BCAS3: variants seen among roughly 807,000 people sequenced by gnomAD.
BCAS3 encodes the protein BCAS3 microtubule associated cell migration factor.
Under a neutral mutation model 116.1 loss-of-function variants are expected in BCAS3, and 53 were observed. The ratio of observed to expected loss-of-function variants is 0.46; its 90% CI spans 0.37 to 0.57. The LOEUF is 0.57. Ranked by LOEUF, BCAS3 falls within the 20% of genes least tolerant of loss-of-function variation. The pLI, the probability that BCAS3 is intolerant of heterozygous loss-of-function variation, is 0.00. For synonymous variants in BCAS3, 391 were observed against 408.2 expected, an observed-to-expected ratio of 0.96 and a Z score of 0.51; for missense variants, 917 against 1,165.4, an observed-to-expected ratio of 0.79 and a Z score of 3.10.
chr17:61,145,260 T>C lies in BCAS3; in HGVS notation c.2425+60696T>C, dbSNP rs1482987055. On this transcript the variant is annotated intron_variant, in intron 22 of 23. Coordinates refer to ENST00000407086, the MANE Select transcript of BCAS3 (RefSeq NM_017679.5). The surrounding 1 kb of genome is among the most constrained non-coding windows in gnomAD (Gnocchi z 5.0). ...TTGTTTCTGCCGTCTTCACCTTTGC[T>C]GATGGTTCTGCAACTCATCACCAGC... Among the ~76,000 whole-genome samples the C allele has an allele frequency of 5.9e-5, 9 of 152,346 alleles. No homozygotes were observed. The highest frequency in any genetic ancestry group is 5.8e-4 in the East Asian group (3 of 5,192).
At chr17:61,074,861 C>A in intron 19 of BCAS3, 59 bp from the exon 20 acceptor site, 1 of 1,172,640 alleles carries the variant, frequency 8.5e-7, no homozygotes, top group Non-Finnish European at 1.2e-6. Context: ...GTTGTGCCCA[C>A]GTCTGTTTTT....
chr17:61,179,778 C>T (rs1337100313), intron 22 of BCAS3, among the ~76,000 whole-genome samples: 2 of 151,968 alleles, frequency 1.3e-5, no homozygotes, highest in Admixed American at 1.3e-4. Context: ...TGGTCATTAA[C>T]ACAAGGATAA....
At chr17:60,871,018 A>G (rs2055052826) in intron 8 of BCAS3, among the ~76,000 whole-genome samples, 1 of 152,218 alleles carries the variant, frequency 6.6e-6, no homozygotes, top group Admixed American at 6.6e-5. Flanking sequence ...TAATTTATCA[A>G]TAGTTTTGAC....
intron 12 of BCAS3, among the ~76,000 whole-genome samples, chr17:60,919,154 G>C (rs535832923): frequency 6.6e-6 from 1 of 152,016 alleles, no homozygotes; most frequent in Non-Finnish European, 1.5e-5. Flanking sequence ...ATCTCACTGG[G>C]CTTCTTTAAT....
intron 5 of BCAS3, among the ~76,000 whole-genome samples, chr17:60,717,938 T>C (rs185879822): frequency 1.3e-5 from 2 of 152,166 alleles, no homozygotes; most frequent in African/African-American, 2.4e-5. Context: ...GATGGTCCCA[T>C]GTGTGGGTGA....
chr17:60,989,972 T>C lies in BCAS3; in HGVS notation c.1223T>C (p.Val408Ala). Residue 408 changes from valine (V) to alanine (A), a missense_variant and splice_region_variant, in exon 15 of 24, where the codon GTA (valine) becomes GCA (alanine). By Grantham distance (64) the Val-to-Ala change is moderately conservative. This residue lies in a region of BCAS3 where 807 missense variants were observed against 1,026.0 expected (regional missense o/e 0.79). Transcript: ENST00000407086. ...TATCTTTTCTTATCTCATTTCTAGG[T>C]ACAGGACATCTGCTTCAGCCATGAC... ...TLHRGETEAK[V>A]QDICFSHDCR... 6.2e-7 allele frequency: 1 copy of C among 1,613,988 alleles called. No homozygotes were observed. Among genetic ancestry groups the C allele is most frequent in the Non-Finnish European group, 8.5e-7 (1 of 1,179,870 alleles).
Position 61,239,082 on chromosome 17 carries a change from A to G in BCAS3, c.2426-129245A>G, listed in dbSNP as rs974969242. Among the ~76,000 whole-genome samples the G allele has an allele frequency of 6.6e-6, 1 of 152,208 alleles. No individual in the cohort carries two copies. Among genetic ancestry groups the G allele is most frequent in the Admixed American group, 6.5e-5 (1 of 15,274 alleles). The stretch of plus-strand genomic sequence containing the variant: ...GCATACCTTTGAGCCAGTTTTTCCT[A>G]GGTGTGCCAGGTAGGTTGGCATTCA... On this transcript the variant is annotated intron_variant, in intron 22 of 23. Transcript: ENST00000407086. This position sits in a 1 kb window ranked among gnomAD's most constrained non-coding sequence, Gnocchi z 4.2.
At chr17:60,722,938 G>A (rs1332406699) in intron 5 of BCAS3, among the ~76,000 whole-genome samples, 5 of 152,020 alleles carry the variant, frequency 3.3e-5, no homozygotes, top group Middle Eastern at 3.2e-3. Flanking sequence ...CAACTCAGGA[G>A]GTTGAGGGGA....
At chr17:61,328,890 CTTTTTTTTTTTTT>C (rs922578027) in intron 22 of BCAS3, among the ~76,000 whole-genome samples, 1 of 122,596 alleles carries the variant, frequency 8.2e-6, no homozygotes, top group Admixed American at 8.6e-5. Flanking sequence ...GACGCAGGCT[CTTTTTTTTTTTTT>C]TTTTTTTTTG....
chr17:60,893,189 G>A (rs1444577322), intron 10 of BCAS3, among the ~76,000 whole-genome samples: 1 of 151,990 alleles, frequency 6.6e-6, no homozygotes, highest in African/African-American at 2.4e-5. Flanking sequence ...CCATTGTGTA[G>A]TTTATCTGTT....
Position 61,233,748 on chromosome 17 carries a change from A to G in BCAS3, c.2426-134579A>G, listed in dbSNP as rs1279023723. On this transcript the variant is annotated intron_variant, in intron 22 of 23. Transcript: ENST00000407086. This position sits in a 1 kb window ranked among gnomAD's most constrained non-coding sequence, Gnocchi z 4.3. ...CCCTTCTCAATTCACCTTCCTAAGC[A>G]CAGAACTCTTTTTCTAATAAAATTT... is the stretch of plus-strand genomic sequence containing the variant. Among the ~76,000 whole-genome samples, 1 of 152,176 alleles carries G rather than the reference A, an allele frequency of 6.6e-6. No individual in the cohort carries two copies. The highest frequency in any genetic ancestry group is 6.5e-5 in the Admixed American group (1 of 15,274).
intron 9 of BCAS3, among the ~76,000 whole-genome samples, chr17:60,879,839 T>C (rs2055952894): frequency 6.6e-6 from 1 of 152,248 alleles, no homozygotes; most frequent in Non-Finnish European, 1.5e-5. Flanking sequence ...AAATTATCTT[T>C]AAGTTTTGAA....
intron 6 of BCAS3, among the ~76,000 whole-genome samples, chr17:60,801,868 C>T (rs1193817298): frequency 6.6e-6 from 1 of 152,096 alleles, no homozygotes; most frequent in Admixed American, 6.6e-5. Context: ...TCTCTGTTCT[C>T]TCTTTTGGAA....
At position 61,134,970 on chromosome 17, in the gene BCAS3, T is replaced by C. The variant is rs2076541379; in HGVS notation, c.2425+50406T>C. On this transcript the variant is annotated intron_variant, in intron 22 of 23. Coordinates refer to ENST00000407086, the MANE Select transcript of BCAS3 (RefSeq NM_017679.5). This position sits in a 1 kb window ranked among gnomAD's most constrained non-coding sequence, Gnocchi z 4.6. ...GTATTTCTTCAAAACTGGAATGTTA[T>C]TAGAGTTCTTGCTTGAAAATAGTTC... 1.3e-5 allele frequency among the ~76,000 whole-genome samples: 2 copies of C among 152,200 alleles called. No homozygotes were observed. The highest frequency in any genetic ancestry group is 2.9e-5 in the Non-Finnish European group (2 of 68,026).
At chr17:60,947,597 C>T (rs554345010) in intron 14 of BCAS3, among the ~76,000 whole-genome samples, 6 of 152,148 alleles carry the variant, frequency 3.9e-5, no homozygotes, top group African/African-American at 1.4e-4. Context: ...GCTGTTTATC[C>T]TGCTTTTCCC....
At chr17:60,685,189 G>A (rs988094526) in intron 3 of BCAS3, among the ~76,000 whole-genome samples, 2 of 152,104 alleles carry the variant, frequency 1.3e-5, no homozygotes, top group African/African-American at 2.4e-5. Context: ...ACTTTGGGCC[G>A]GGTGCGGTGG....
At chr17:60,813,897 T>C (rs1449254738) in intron 7 of BCAS3, among the ~76,000 whole-genome samples, 1 of 152,228 alleles carries the variant, frequency 6.6e-6, no homozygotes, top group Non-Finnish European at 1.5e-5. Flanking sequence ...GTATCTGTTT[T>C]TGTGCTGGCA....
intron 4 of BCAS3, among the ~76,000 whole-genome samples, chr17:60,695,949 T>A (rs1465555334): frequency 6.6e-6 from 1 of 152,176 alleles, no homozygotes; most frequent in Non-Finnish European, 1.5e-5. Context: ...AGATTGGGGC[T>A]TCATACTTTT....
rs1775155420 is a variant in BCAS3, at chr17:61,333,775, C to G, written c.2426-34552C>G. Among the ~76,000 whole-genome samples the G allele has an allele frequency of 7.2e-5, 11 of 152,004 alleles. No individual in the cohort carries two copies. The highest frequency in any genetic ancestry group is 7.2e-4 in the Admixed American group (11 of 15,248). On this transcript the variant is annotated intron_variant, in intron 22 of 23. Coordinates refer to ENST00000407086, the MANE Select transcript of BCAS3 (RefSeq NM_017679.5). This position sits in a 1 kb window ranked among gnomAD's most constrained non-coding sequence, Gnocchi z 4.8. Reference sequence around the variant, plus strand: ...AGCTGGGATTACAGGGGCACACTACCACACCCAGCTCATTTTTATATTTTC... The same window carrying G: ...AGCTGGGATTACAGGGGCACACTACGACACCCAGCTCATTTTTATATTTTC...
Sources: allele counts gnomAD v4.1 joint callset (sites outside exome capture counted in the v4.1 genomes callset), GRCh38; gene constraint gnomAD v4.1.1; regional missense constraint gnomAD v4.1.1; non-coding constraint Gnocchi (gnomAD v3.1); transcripts MANE v1.5; gene names NCBI Gene and HGNC (gene_info 2026-07-23, HGNC 2026-07-21).